The following TRNAU1AP variants were observed in gnomAD, a reference collection of about 807,000 sequenced individuals.
TRNAU1AP encodes tRNA selenocysteine 1-associated protein 1.
In TRNAU1AP, 33 loss-of-function variants were observed where a neutral mutation model predicts 43.3. The observed-to-expected ratio is 0.76, with a 90% CI of 0.58 to 1.02. The LOEUF (loss-of-function observed/expected upper bound fraction) is 1.02. Among genes scored for constraint, TRNAU1AP ranks in the 50% least tolerant of loss-of-function variants. The pLI, the probability that TRNAU1AP is intolerant of heterozygous loss-of-function variation, is 0.00. For missense variants in TRNAU1AP, 290 were observed against 362.7 expected, an observed-to-expected ratio of 0.80 and a Z score of 1.63; for synonymous variants, 143 against 129.1, an observed-to-expected ratio of 1.11 and a Z score of -0.73.
intron 2 of TRNAU1AP, among the ~76,000 whole-genome samples, chr1:28,558,062 ATTTTTTTTTTTTTTTTT>A (rs998976595): frequency 1.1e-4 from 13 of 122,112 alleles, no homozygotes; most frequent in Non-Finnish European, 1.5e-4. Flanking sequence ...TGCCTGGCTA[ATTTTTTTTTTTTTTTTT>A]TTTTTGTTTA....
In TRNAU1AP at chr1:28,560,620, GC is replaced by G; in HGVS notation, c.126-12del. The G allele has an allele frequency of 6.2e-7, 1 of 1,609,020 alleles. No individual in the cohort carries two copies. Among genetic ancestry groups the G allele is most frequent in the East Asian group, 2.2e-5 (1 of 44,808 alleles). On this transcript the variant is annotated splice_polypyrimidine_tract_variant and intron_variant, in intron 2 of 8. Coordinates refer to ENST00000373830, the MANE Select transcript of TRNAU1AP (RefSeq NM_017846.5). ...CTTTAACCATTTTCTTTCTCTATTT[GC>G]TTTTTTTCCAGGATCCCAGCTGGCT...
chr1:28,573,018 TATTA>T (rs1665694876), intron 8 of TRNAU1AP, among the ~76,000 whole-genome samples: 1 of 150,584 alleles, frequency 6.6e-6, no homozygotes, highest in African/African-American at 2.4e-5. Flanking sequence ...TAATAGCCAT[TATTA>T]ATTTTTTCTT....
At chr1:28,575,123 A>G (rs1323308621) in intron 8 of TRNAU1AP, among the ~76,000 whole-genome samples, 1 of 152,106 alleles carries the variant, frequency 6.6e-6, no homozygotes, top group African/African-American at 2.4e-5. Context: ...ATCTGTAGAT[A>G]AGTCCTTAGA....
rs796722916 is a variant in TRNAU1AP at position 28,577,950 on chromosome 1, C to G, written c.*314C>G. On this transcript the variant is annotated 3_prime_UTR_variant, in exon 9 of 9. Transcript: ENST00000373830. ...CTTGGGATAATTCACACACTAAAGC[C>G]TGAGTTCAAGGTTTCTCAGTTGACA... The G allele has an allele frequency of 4.3e-5, 9 of 209,522 alleles. No individual in the cohort carries two copies. Among genetic ancestry groups the G allele is most frequent in the African/African-American group, 2.1e-4 (9 of 42,834 alleles). 13.0% of individuals were successfully genotyped at this position (209,522 alleles called of 1,614,324 possible). A position where few individuals can be genotyped will look rare whatever the true frequency, so the allele number is the denominator to read the frequency against.
chr1:28,565,067 A>G, intron 5 of TRNAU1AP: 1 of 531,984 alleles, frequency 1.9e-6, no homozygotes, highest in Non-Finnish European at 3.3e-6. Context: ...GATTAATAAT[A>G]GCTGCTTGTA....
chr1:28,576,527 C>G (rs1245897154), intron 8 of TRNAU1AP, among the ~76,000 whole-genome samples: 1 of 151,684 alleles, frequency 6.6e-6, no homozygotes, highest in Non-Finnish European at 1.5e-5. Context: ...CCATGTTGGC[C>G]AGGATGGTCT....
chr1:28,553,949 G>A, intron 2 of TRNAU1AP: 1 of 473,330 alleles, frequency 2.1e-6, no homozygotes, highest in Non-Finnish European at 3.9e-6. Flanking sequence ...TGTAATCCCA[G>A]CACTTTGGGA....
At position 28,553,426 on chromosome 1, in the gene TRNAU1AP, G is replaced by A. The variant is rs1665178832; in HGVS notation, c.28-214G>A. 2.7e-5 allele frequency: 17 copies of A among 622,706 alleles called. No individual in the cohort carries two copies. The South Asian group carries it at 3.2e-4, about 12-fold the overall frequency. The allele number at this position is 622,706 out of a possible 1,614,324, so 38.6% of individuals were successfully genotyped here. A position where few individuals can be genotyped will look rare whatever the true frequency, so the allele number is the denominator to read the frequency against. ...GAGGCGCGCTGTTCTGGGACCGGAG[G>A]AGTGGGGTTTCTAGGTCCAAGGGGA... On this transcript the variant is annotated intron_variant, in intron 1 of 8. Transcript: ENST00000373830.
chr1:28,570,068 T>C (rs1665632015), intron 6 of TRNAU1AP, among the ~76,000 whole-genome samples: 1 of 152,022 alleles, frequency 6.6e-6, no homozygotes, highest in Admixed American at 6.6e-5. Flanking sequence ...CCCAACACTT[T>C]GGGAGGCTGA....
chr1:28,559,549 A>G (rs1277976156), intron 2 of TRNAU1AP, among the ~76,000 whole-genome samples: 1 of 151,908 alleles, frequency 6.6e-6, no homozygotes, highest in African/African-American at 2.4e-5. Flanking sequence ...AATCGCTTGA[A>G]TCTGGGAGGT....
chr1:28,560,439 G>C (rs1665380652), intron 2 of TRNAU1AP, among the ~76,000 whole-genome samples, 194 bp from the exon 3 acceptor site: 1 of 152,044 alleles, frequency 6.6e-6, no homozygotes, highest in Admixed American at 6.6e-5. Flanking sequence ...GCGCCGCCAT[G>C]CCCAGCCAAT....
chr1:28,567,608 T>TA (rs963365670), intron 6 of TRNAU1AP, among the ~76,000 whole-genome samples, 195 bp downstream of exon 6: 19 of 152,212 alleles, frequency 1.2e-4, no homozygotes, highest in African/African-American at 3.6e-4. Flanking sequence ...TGCAGAAACT[T>TA]AGAGTTGGGG....
intron 8 of TRNAU1AP, among the ~76,000 whole-genome samples, chr1:28,576,824 C>A (rs1270624039): frequency 6.6e-6 from 1 of 152,194 alleles, no homozygotes; most frequent in Non-Finnish European, 1.5e-5. Context: ...GTCTTGAACT[C>A]CCGACTTCTG....
intron 1 of TRNAU1AP, 70 bp from the exon 2 acceptor site, chr1:28,553,569 GA>G: frequency 6.9e-7 from 1 of 1,449,932 alleles, no homozygotes; most frequent in Non-Finnish European, 9.6e-7. Context: ...GGCTGAACGG[GA>G]GGGGCTCTGG....
chr1:28,576,351 C>T (rs1179514260), intron 8 of TRNAU1AP, among the ~76,000 whole-genome samples: 1 of 148,256 alleles, frequency 6.7e-6, no homozygotes, highest in Non-Finnish European at 1.5e-5. Flanking sequence ...TGGCATCTTG[C>T]TCTGTTGCCC....
intron 6 of TRNAU1AP, among the ~76,000 whole-genome samples, chr1:28,569,458 G>A (rs1482602513): frequency 1.3e-5 from 2 of 151,934 alleles, no homozygotes; most frequent in Non-Finnish European, 2.9e-5. Context: ...TTGGGAGGCC[G>A]AGGTGGGTGG....
Position 28,560,628 on chromosome 1 carries a change from T to C in TRNAU1AP, c.126-5T>C, listed in dbSNP as rs761210354. The C allele has an allele frequency of 5.0e-6, 8 of 1,613,052 alleles. No individual in the cohort carries two copies. The highest frequency in any genetic ancestry group is 6.8e-6 in the Non-Finnish European group (8 of 1,179,326). ...ATTTTCTTTCTCTATTTGCTTTTTT[T>C]CCAGGATCCCAGCTGGCTACTGCTT... On this transcript the variant is annotated splice_region_variant and splice_polypyrimidine_tract_variant and intron_variant, in intron 2 of 8. Transcript: ENST00000373830.
chr1:28,571,786 A>C, intron 7 of TRNAU1AP, 81 bp from the exon 8 acceptor site: 1 of 1,008,582 alleles, frequency 9.9e-7, no homozygotes, highest in Non-Finnish European at 1.5e-6. Context: ...CCACCTCAAA[A>C]AAAATAAAAA....
In TRNAU1AP at chr1:28,567,279, A is replaced by G; in HGVS notation, c.411-15A>G. On this transcript the variant is annotated splice_polypyrimidine_tract_variant and intron_variant, in intron 5 of 8. Coordinates refer to ENST00000373830, the MANE Select transcript of TRNAU1AP (RefSeq NM_017846.5). The stretch of plus-strand genomic sequence containing the variant: ...ATCACATTTGTGATCTAAATTGTAT[A>G]TTTTTTTCATGCAGGGGTTATGGTT... 1 of 1,610,110 alleles carries G rather than the reference A, an allele frequency of 6.2e-7. No homozygotes were observed. Among genetic ancestry groups the G allele is most frequent in the Non-Finnish European group, 8.5e-7 (1 of 1,178,966 alleles).
Sources: allele counts gnomAD v4.1 joint callset (sites outside exome capture counted in the v4.1 genomes callset), GRCh38; gene constraint gnomAD v4.1.1; transcripts MANE v1.5; gene names NCBI Gene and HGNC (gene_info 2026-07-23, HGNC 2026-07-21).